Variants in FBXL17 observed in about 807,000 individuals in gnomAD.
FBXL17 encodes the protein F-box/LRR-repeat protein 17.
FBXL17 carries 22 observed loss-of-function variants against 66.2 expected under a neutral mutation model. That is an observed-to-expected ratio of 0.33 (90% CI 0.24 to 0.47). FBXL17 has a LOEUF of 0.47. FBXL17 is among the 20% of genes least tolerant of loss of function. The pLI, the probability that FBXL17 is intolerant of heterozygous loss-of-function variation, is 1.00. For synonymous variants in FBXL17, 474 were observed against 400.5 expected (o/e 1.18, Z -2.19); for missense variants, 878 against 948.2 (o/e 0.93, Z 0.97).
intron 7 of FBXL17, among the ~76,000 whole-genome samples, chr5:107,987,540 CA>C (rs1336769077): frequency 6.6e-6 from 1 of 152,044 alleles, no homozygotes; most frequent in African/African-American, 2.4e-5. Flanking sequence ...GCAAAAGGCT[CA>C]AGTAGCTCAA....
intron 6 of FBXL17, among the ~76,000 whole-genome samples, chr5:108,148,623 C>T (rs770276233): frequency 2.0e-5 from 3 of 152,104 alleles, no homozygotes; most frequent in African/African-American, 4.8e-5. Flanking sequence ...ATAGGCAAAA[C>T]GTAATTATAT....
intron 5 of FBXL17, among the ~76,000 whole-genome samples, chr5:108,208,134 C>G (rs1353975905): frequency 6.6e-6 from 1 of 152,156 alleles, no homozygotes; most frequent in Non-Finnish European, 1.5e-5. Flanking sequence ...AGTGTCTGCT[C>G]ATATTATTTG....
intron 6 of FBXL17, among the ~76,000 whole-genome samples, chr5:108,103,254 G>T (rs1019613019): frequency 2.0e-5 from 3 of 152,184 alleles, no homozygotes; most frequent in Non-Finnish European, 4.4e-5. Flanking sequence ...TATGCAAAAG[G>T]TAACCTGTAT....
At chr5:108,019,338 T>C (rs1270588976) in intron 7 of FBXL17, among the ~76,000 whole-genome samples, 1 of 152,166 alleles carries the variant, frequency 6.6e-6, no homozygotes, top group Non-Finnish European at 1.5e-5. Context: ...AACATTTCTT[T>C]TTGTACTTGA....
At chr5:107,911,228 G>C (rs1749939578) in intron 7 of FBXL17, among the ~76,000 whole-genome samples, 2 of 152,056 alleles carry the variant, frequency 1.3e-5, no homozygotes, top group Admixed American at 1.3e-4. Context: ...GAACAGACTT[G>C]TGGATATATG....
chr5:108,219,701 A>T (rs2150070909), intron 5 of FBXL17, among the ~76,000 whole-genome samples: 1 of 152,212 alleles, frequency 6.6e-6, no homozygotes, highest in South Asian at 2.1e-4. Context: ...TAAAATTAAA[A>T]AAAAAGATGT....
intron 7 of FBXL17, among the ~76,000 whole-genome samples, chr5:108,010,601 A>C (rs1754139560): frequency 6.6e-6 from 1 of 152,214 alleles, no homozygotes; most frequent in Non-Finnish European, 1.5e-5. Context: ...AGAAAAATTC[A>C]ATCAAAGGAA....
chr5:108,009,370 ATAAC>A (rs1754093543), intron 7 of FBXL17, among the ~76,000 whole-genome samples: 1 of 145,580 alleles, frequency 6.9e-6, no homozygotes, highest in Non-Finnish European at 1.5e-5. Context: ...GAAAAGTACC[ATAAC>A]TTCCTGAAGA....
intron 6 of FBXL17, among the ~76,000 whole-genome samples, chr5:108,050,768 C>G (rs1747440442): frequency 6.6e-6 from 1 of 151,980 alleles, no homozygotes; most frequent in Non-Finnish European, 1.5e-5. Context: ...AATCCAGGAG[C>G]AGGTTTTTTG....
chr5:108,277,702 C>G (rs1757539583), intron 4 of FBXL17, among the ~76,000 whole-genome samples: 1 of 152,104 alleles, frequency 6.6e-6, no homozygotes, highest in African/African-American at 2.4e-5. Flanking sequence ...TCATTAACTT[C>G]CCCTAAAAAA....
chr5:108,122,867 T>C (rs985994015), intron 6 of FBXL17, among the ~76,000 whole-genome samples: 1 of 152,166 alleles, frequency 6.6e-6, no homozygotes, highest in Middle Eastern at 3.4e-3. Flanking sequence ...AAACAACATG[T>C]TCCTCGCAGT....
At chr5:108,162,656 T>C (rs1305573555) in intron 6 of FBXL17, among the ~76,000 whole-genome samples, 1 of 152,198 alleles carries the variant, frequency 6.6e-6, no homozygotes, top group Non-Finnish European at 1.5e-5. Context: ...AATAGCTCAC[T>C]TGGGATAGAA....
intron 4 of FBXL17, among the ~76,000 whole-genome samples, chr5:108,319,664 G>A (rs955661502): frequency 6.6e-6 from 1 of 151,308 alleles, no homozygotes; most frequent in Non-Finnish European, 1.5e-5. Flanking sequence ...AAATCTAAAA[G>A]TTATTATTTT....
At chr5:107,863,075 T>A (rs1748173645) in intron 8 of FBXL17, among the ~76,000 whole-genome samples, 1 of 151,534 alleles carries the variant, frequency 6.6e-6, no homozygotes, top group South Asian at 2.1e-4. Context: ...CCAAGCCACA[T>A]AACTAATTCC....
intron 6 of FBXL17, among the ~76,000 whole-genome samples, chr5:108,125,946 C>T (rs908595544): frequency 5.3e-5 from 8 of 152,056 alleles, no homozygotes; most frequent in East Asian, 3.9e-4. Flanking sequence ...ATATTCTTTA[C>T]GGTCCAAAGG....
In FBXL17 at chr5:108,107,379, T is replaced by C. The variant is rs116415764; in HGVS notation, c.1745+78738A>G. Among the ~76,000 whole-genome samples the C allele has an allele frequency of 7.3e-3, 1,118 of 152,320 alleles. 5 individuals carry two copies. The highest frequency in any genetic ancestry group is 0.013 in the Non-Finnish European group (853 of 68,020). On this transcript the variant is annotated intron_variant, in intron 6 of 8. Coordinates refer to ENST00000542267, the MANE Select transcript of FBXL17 (RefSeq NM_001163315.3). ...AAATACAACTACGAAAAGTATATTA[T>C]TTTGGTGTTTTCTGTTAATTAGATG...
At chr5:107,970,015 C>A (rs1401429440) in intron 7 of FBXL17, among the ~76,000 whole-genome samples, 2 of 152,138 alleles carry the variant, frequency 1.3e-5, no homozygotes, top group African/African-American at 4.8e-5. Flanking sequence ...CCAAGCATAT[C>A]TTAAGGCTTT....
intron 6 of FBXL17, among the ~76,000 whole-genome samples, chr5:108,060,781 C>T (rs910469428): frequency 6.6e-6 from 1 of 152,060 alleles, no homozygotes; most frequent in African/African-American, 2.4e-5. Flanking sequence ...TTCCCAGAGT[C>T]CTTTCACTGC....
intron 5 of FBXL17, among the ~76,000 whole-genome samples, chr5:108,216,838 G>A (rs891487631): frequency 6.6e-6 from 1 of 152,136 alleles, no homozygotes; most frequent in Non-Finnish European, 1.5e-5. Flanking sequence ...CGGCTGCACA[G>A]ATAGAAAAAC....
Sources: gnomAD v4.1 joint callset for allele counts (sites outside exome capture counted in the v4.1 genomes callset) on GRCh38, gnomAD v4.1.1 for gene constraint, MANE v1.5 for transcripts, NCBI Gene and HGNC (gene_info 2026-07-23, HGNC 2026-07-21) for gene names.